The following POLR1B variants were observed in gnomAD, a reference collection of about 807,000 sequenced individuals.
POLR1B encodes RNA polymerase I subunit B.
POLR1B carries 30 observed loss-of-function variants against 105.8 expected under a neutral mutation model. The ratio of observed to expected loss-of-function variants is 0.28; its 90% CI spans 0.21 to 0.38. The LOEUF is 0.38. Among genes scored for constraint, POLR1B ranks in the 10% least tolerant of loss-of-function variants. The pLI is 1.00. For synonymous variants in POLR1B, 485 were observed against 505.1 expected, an observed-to-expected ratio of 0.96 and a Z score of 0.53; for missense variants, 976 against 1,435.8, an observed-to-expected ratio of 0.68 and a Z score of 5.17.
Position 112,548,345 on chromosome 2 carries a change from G to C in POLR1B, c.492+778G>C, listed in dbSNP as rs1472981603. 5 of 152,134 alleles carry C rather than the reference G, an allele frequency of 3.3e-5. No individual in the cohort carries two copies. In the East Asian group the frequency reaches 9.6e-4, roughly 29 times the overall value. 9.4% of individuals were successfully genotyped at this position (152,134 alleles called of 1,614,324 possible). A position where few individuals can be genotyped will look rare whatever the true frequency, so the allele number is the denominator to read the frequency against. On this transcript the variant is annotated intron_variant, in intron 3 of 14. Coordinates refer to ENST00000263331, the MANE Select transcript of POLR1B (RefSeq NM_019014.6). Reference sequence around the variant, plus strand: ...AGCCTCAGTTTCCTCTGCTGCAAGTGGGTATAATAGCTACCCCACTCATTG... The same window carrying C: ...AGCCTCAGTTTCCTCTGCTGCAAGTCGGTATAATAGCTACCCCACTCATTG...
chr2:112,547,280 A>T (rs1394988689), intron 2 of POLR1B, 101 bp downstream of exon 2: 1 of 1,499,252 alleles, frequency 6.7e-7, no homozygotes, highest in African/African-American at 1.4e-5. Flanking sequence ...TCTTGGTGCT[A>T]TTGTCTAAGA....
intron 2 of POLR1B, 61 bp from the exon 3 acceptor site, chr2:112,547,360 C>T: frequency 1.3e-6 from 2 of 1,549,982 alleles, no homozygotes; most frequent in Non-Finnish European, 1.8e-6. Context: ...TGAAAATACT[C>T]ATTTGTTCTC....
chr2:112,558,849 G>T (rs1042770127), intron 8 of POLR1B, among the ~76,000 whole-genome samples: 1 of 151,310 alleles, frequency 6.6e-6, no homozygotes, highest in Non-Finnish European at 1.5e-5. Flanking sequence ...GAACTCTTGA[G>T]CTCTGGTGAA....
At chr2:112,553,584 G>A (rs892196157) in intron 7 of POLR1B, 2 of 152,218 alleles carry the variant, frequency 1.3e-5, no homozygotes, top group Non-Finnish European at 1.5e-5. Flanking sequence ...AAAGTGATAG[G>A]ATTGGAGACA....
Position 112,568,915 on chromosome 2 carries a change from G to T in POLR1B, c.2074+13G>T. On this transcript the variant is annotated intron_variant, in intron 12 of 14. Coordinates refer to ENST00000263331, the MANE Select transcript of POLR1B (RefSeq NM_019014.6). ...CAATGCCAGATGGGTAAGGAAGAGG[G>T]ATGATGTTACAGTCACAATCAGGAA... is the stretch of plus-strand genomic sequence containing the variant. 1 of 1,612,282 alleles carries T rather than the reference G, an allele frequency of 6.2e-7. No individual in the cohort carries two copies. The highest frequency in any genetic ancestry group is 1.1e-5 in the South Asian group (1 of 90,826).
At chr2:112,563,549 A>G (rs555710044) in intron 9 of POLR1B, among the ~76,000 whole-genome samples, 70 of 152,212 alleles carry the variant, frequency 4.6e-4, no homozygotes, top group Middle Eastern at 3.4e-3. Context: ...TAAATCCTTT[A>G]TTGTCATTTC....
At chr2:112,556,166 A>C (rs1392009956) in intron 7 of POLR1B, among the ~76,000 whole-genome samples, 1 of 152,248 alleles carries the variant, frequency 6.6e-6, no homozygotes, top group Non-Finnish European at 1.5e-5. Flanking sequence ...GGCTCAAGAA[A>C]GGAATCTAAA....
At chr2:112,552,379 CTT>C (rs143059574) in intron 6 of POLR1B, among the ~76,000 whole-genome samples, 1,628 of 152,248 alleles carry the variant, frequency 0.011, 19 homozygotes, top group Non-Finnish European at 0.017. Context: ...GATTGTATCA[CTT>C]TATTTCTCCA....
At position 112,547,503 on chromosome 2, in the gene POLR1B, C is replaced by T; in HGVS notation, c.428C>T (p.Ser143Phe). Reference sequence around the variant, plus strand: ...GGCTATGTTCCCATCATGGTGAAATCCAAGCTTTGCAACTTACGTAACCTT... The same window carrying T: ...GGCTATGTTCCCATCATGGTGAAATTCAAGCTTTGCAACTTACGTAACCTT... ...FLGYVPIMVK[S>F]KLCNLRNLPP... Residue 143 changes from serine to phenylalanine, a missense_variant, in exon 3 of 15, where the codon TCC becomes TTC. Ser to Phe is a radical substitution (Grantham distance 155, BLOSUM62 -2). Coordinates refer to ENST00000263331, the MANE Select transcript of POLR1B (RefSeq NM_019014.6). 6.2e-7 allele frequency: 1 copy of T among 1,614,134 alleles called. No homozygotes were observed. The highest frequency in any genetic ancestry group is 8.5e-7 in the Non-Finnish European group (1 of 1,180,032).
chr2:112,575,290 C>G lies in POLR1B; in HGVS notation c.2969C>G (p.Ala990Gly), dbSNP rs1029237294. The G allele has an allele frequency of 6.2e-7, 1 of 1,614,046 alleles. No individual in the cohort carries two copies. The highest frequency in any genetic ancestry group is 1.7e-5 in the Admixed American group (1 of 59,992). ...YSGISGLELEADIFIGVVYYQ... is the reference protein window; with the variant it reads ...YSGISGLELEGDIFIGVVYYQ... The stretch of plus-strand genomic sequence containing the variant: ...GGCATCAGTGGGCTAGAACTGGAAG[C>G]AGACATCTTCATAGGAGTGGTTTAT... The change falls in exon 15 of 15, where the codon GCA (alanine) becomes GGA (glycine). Residue 990 changes from alanine to glycine, a missense_variant. This residue lies in a region of POLR1B where 40 missense variants were observed against 49.6 expected (regional missense o/e 0.81). Coordinates refer to ENST00000263331, the MANE Select transcript of POLR1B (RefSeq NM_019014.6). This position sits in a 1 kb window ranked among gnomAD's most constrained non-coding sequence, Gnocchi z 5.3.
chr2:112,546,188 A>G (rs1158051090), intron 1 of POLR1B, among the ~76,000 whole-genome samples: 3 of 152,116 alleles, frequency 2.0e-5, no homozygotes, highest in Non-Finnish European at 4.4e-5. Flanking sequence ...AGAATGGTAC[A>G]AAGAAGTAAC....
At chr2:112,551,662 CAGA>C in intron 5 of POLR1B, 110 bp from the exon 6 acceptor site, 1 of 824,228 alleles carries the variant, frequency 1.2e-6, no homozygotes, top group Non-Finnish European at 1.9e-6. Context: ...TCAGCAATAG[CAGA>C]GTGCTAATTT....
At chr2:112,551,134 C>G in intron 5 of POLR1B, 132 bp downstream of exon 5, 1 of 922,912 alleles carries the variant, frequency 1.1e-6, no homozygotes, top group Non-Finnish European at 1.7e-6. Context: ...CAAATTACGT[C>G]AAAATTCAAT....
At chr2:112,573,041 T>C (rs535264976) in intron 13 of POLR1B, among the ~76,000 whole-genome samples, 1 of 152,310 alleles carries the variant, frequency 6.6e-6, no homozygotes, top group South Asian at 2.1e-4. Flanking sequence ...TTAAGTATGA[T>C]TAGATTTTAA....
chr2:112,573,711 A>G lies in POLR1B; in HGVS notation c.2421A>G (p.Leu807=). The change falls in exon 14 of 15, where the codon TTA becomes TTG. Residue 807 remains leucine (L), a synonymous_variant. Coordinates refer to ENST00000263331, the MANE Select transcript of POLR1B (RefSeq NM_019014.6). ...GTGACCCACGCGTTCTGCAGAAGTT[A>G]GATGACGATGGATTGCCGTTTATAG... ...KPGDPRVLQK[L]DDDGLPFIGA... 6.2e-7 allele frequency: 1 copy of G among 1,614,264 alleles called. No homozygotes were observed. Among genetic ancestry groups the G allele is most frequent in the Non-Finnish European group, 8.5e-7 (1 of 1,180,044 alleles).
At position 112,577,717 on chromosome 2, in the gene POLR1B, T is replaced by A. The variant is rs988673274; in HGVS notation, c.*1988T>A. ...TGGTGTGGTGGCACATGCCTGTAGT[T>A]CCAGCTACTCAGGAGGCTGAGGTGG... On this transcript the variant is annotated 3_prime_UTR_variant, in exon 15 of 15. Coordinates refer to ENST00000263331, the MANE Select transcript of POLR1B (RefSeq NM_019014.6). Among the ~76,000 whole-genome samples the A allele has an allele frequency of 1.3e-4, 19 of 146,124 alleles. No homozygotes were observed. Among genetic ancestry groups the A allele is most frequent in the African/African-American group, 4.6e-4 (18 of 38,964 alleles).
chr2:112,552,872 A>G, intron 7 of POLR1B, 56 bp downstream of exon 7: 1 of 1,395,812 alleles, frequency 7.2e-7, no homozygotes, highest in Non-Finnish European at 9.5e-7. Flanking sequence ...GAATGGCGTG[A>G]CTTTGTCCAG....
rs144737583 is a variant in POLR1B, at chr2:112,550,900, C to T, written c.660C>T (p.Ser220=). 121 of 1,613,972 alleles carry T rather than the reference C, an allele frequency of 7.5e-5. No individual in the cohort carries two copies. The highest frequency in any genetic ancestry group is 7.3e-4 in the African/African-American group (55 of 74,998). Residue 220 remains serine (S), a synonymous_variant, in exon 5 of 15, where the codon TCC becomes TCT. Transcript: ENST00000263331. ...VSMHCVREEH[S]AVNMNLHYLE... is the part of the protein sequence containing the mutation. ...TGCACTGTGTGAGGGAAGAACATTCCGCTGTCAATATGAACCTCCACTACT... is the reference window on the plus strand; with the variant it reads ...TGCACTGTGTGAGGGAAGAACATTCTGCTGTCAATATGAACCTCCACTACT...
chr2:112,554,714 A>G (rs887906606), intron 7 of POLR1B: 1 of 152,194 alleles, frequency 6.6e-6, no homozygotes, highest in African/African-American at 2.4e-5. Context: ...TTTATTCCAC[A>G]TCAATTCCTA....
Sources: allele counts gnomAD v4.1 joint callset (sites outside exome capture counted in the v4.1 genomes callset), GRCh38; gene constraint gnomAD v4.1.1; regional missense constraint gnomAD v4.1.1; non-coding constraint Gnocchi (gnomAD v3.1); transcripts MANE v1.5; gene names NCBI Gene and HGNC (gene_info 2026-07-23, HGNC 2026-07-21).